OR5V1: variants seen among roughly 807,000 people sequenced by gnomAD.
OR5V1 encodes the protein olfactory receptor 5V1.
For missense variants in OR5V1, 365 were observed against 371.5 expected (o/e 0.98, Z 0.14); for synonymous variants, 134 against 143.2 (o/e 0.94, Z 0.46).
chr6:29,368,000 C>T (rs886929507), intron 1 of OR5V1, among the ~76,000 whole-genome samples: 3 of 152,064 alleles, frequency 2.0e-5, no homozygotes, highest in Non-Finnish European at 2.9e-5. Context: ...AGAAAATTCA[C>T]GAGAATGTTT....
At chr6:29,360,293 T>C (rs747143005) in intron 1 of OR5V1, among the ~76,000 whole-genome samples, 31 of 152,190 alleles carry the variant, frequency 2.0e-4, no homozygotes, top group Non-Finnish European at 4.6e-4. Flanking sequence ...ACTCCCATCT[T>C]CCTGGGACAG....
chr6:29,355,302 T>TTTGA lies in OR5V1; in HGVS notation c.890_893dup (p.Lys298AsnfsTer21). On this transcript the variant is annotated frameshift_variant, in exon 2 of 2. Transcript: ENST00000641768. LOFTEE classifies it low-confidence loss of function (END_TRUNC). Reference sequence around the variant, plus strand: ...TGCTCCCTATAGTTTTGACAGCTTCTTTGATGTCCTTATTCCTCAATGTGT... The same window carrying TTTGA: ...TGCTCCCTATAGTTTTGACAGCTTCTTTGATTGATGTCCTTATTCCTCAATGTGT... 1 of 1,613,526 alleles carries TTTGA rather than the reference T, an allele frequency of 6.2e-7. No individual in the cohort carries two copies. The highest frequency in any genetic ancestry group is 1.3e-5 in the African/African-American group (1 of 75,032).
At chr6:29,367,649 G>C (rs1212768344) in intron 1 of OR5V1, among the ~76,000 whole-genome samples, 1 of 152,120 alleles carries the variant, frequency 6.6e-6, no homozygotes, top group East Asian at 1.9e-4. Flanking sequence ...AGATCAAATA[G>C]TTAACAAGTA....
chr6:29,357,978 T>C (rs1271197286), intron 1 of OR5V1, among the ~76,000 whole-genome samples: 7 of 152,192 alleles, frequency 4.6e-5, no homozygotes, highest in Non-Finnish European at 1.0e-4. Context: ...CCCTCACCTA[T>C]AGACAAATAT....
intron 1 of OR5V1, among the ~76,000 whole-genome samples, chr6:29,360,582 A>G (rs762897589): frequency 3.5e-4 from 53 of 152,322 alleles, no homozygotes; most frequent in African/African-American, 1.2e-3. Flanking sequence ...AGGAAGAAGC[A>G]GGCAGTAATA....
chr6:29,355,263 T>C lies in OR5V1; in HGVS notation c.933A>G (p.Pro311=). The C allele has an allele frequency of 2.5e-6, 4 of 1,604,398 alleles. No homozygotes were observed. The highest frequency in any genetic ancestry group is 3.4e-6 in the Non-Finnish European group (4 of 1,177,088). ...TGAGTTTACTATCCAAAGAGGAAAT[T>C]GGTGGCTGCCACTTGCTCCCTATAG... ...VKTIGSKWQP[P]ISSLDSKLTY The change falls in exon 2 of 2, where the codon CCA becomes CCG. Residue 311 remains proline, a synonymous_variant. Coordinates refer to ENST00000641768, the MANE Select transcript of OR5V1 (RefSeq NM_030876.6).
rs911631158 is a variant in OR5V1 at position 29,355,022 on chromosome 6, A to G, written c.*208T>C. ...TGAATGCAAAATTCAGGAATGGAAA[A>G]ATAAATAAGAAGATAATATCTAAAG... On this transcript the variant is annotated 3_prime_UTR_variant, in exon 2 of 2. Transcript: ENST00000641768. 18 of 419,162 alleles carry G rather than the reference A, an allele frequency of 4.3e-5. No individual in the cohort carries two copies. In the South Asian group the frequency reaches 1.0e-3, roughly 24 times the overall value. 26.0% of individuals were successfully genotyped at this position (419,162 alleles called of 1,614,324 possible).
chr6:29,359,611 C>T (rs565460087), intron 1 of OR5V1, among the ~76,000 whole-genome samples: 1 of 152,252 alleles, frequency 6.6e-6, no homozygotes, highest in East Asian at 1.9e-4. Flanking sequence ...ACTGAGGTAC[C>T]AGTTAGGTAA....
intron 1 of OR5V1, among the ~76,000 whole-genome samples, chr6:29,367,599 T>TA (rs1778914381): frequency 6.6e-6 from 1 of 152,210 alleles, no homozygotes; most frequent in Non-Finnish European, 1.5e-5. Context: ...TTATATTAGT[T>TA]AGAGTAGAGG....
intron 1 of OR5V1, among the ~76,000 whole-genome samples, chr6:29,358,832 A>G (rs1562928103): frequency 6.6e-6 from 1 of 152,226 alleles, no homozygotes; most frequent in Non-Finnish European, 1.5e-5. Flanking sequence ...CAAAGGGTAC[A>G]AAGTTTCAGT....
In OR5V1 at chr6:29,355,380, C is replaced by A. The variant is rs766576990; in HGVS notation, c.816G>T (p.Arg272Ser). Residue 272 changes from arginine (R) to serine (S), a missense_variant, in exon 2 of 2, where the codon AGG (arginine) becomes AGT (serine). Coordinates refer to ENST00000641768, the MANE Select transcript of OR5V1 (RefSeq NM_030876.6). ...CAACACTGTACAACACTGAAACCAA[C>A]CTATCTTTCTTTAATGAGTAAGTTG... ...PISTYSLKKD[R>S]LVSVLYSVVT... is the part of the protein sequence containing the mutation. 2 of 1,613,962 alleles carry A rather than the reference C, an allele frequency of 1.2e-6. No individual in the cohort carries two copies. The highest frequency in any genetic ancestry group is 1.7e-6 in the Non-Finnish European group (2 of 1,179,890).
At chr6:29,360,497 C>A (rs1393155615) in intron 1 of OR5V1, among the ~76,000 whole-genome samples, 1 of 152,196 alleles carries the variant, frequency 6.6e-6, no homozygotes, top group Admixed American at 6.5e-5. Context: ...AGAGACTCCC[C>A]AACAGGGGTT....
rs767525266 is a variant in OR5V1 at position 29,355,921 on chromosome 6, A to G, written c.275T>C (p.Ile92Thr). Residue 92 changes from isoleucine (I) to threonine (T), a missense_variant, in exon 2 of 2, where the codon ATT (isoleucine) becomes ACT (threonine). Physicochemically the swap from Ile to Thr is moderately conservative, Grantham distance 89. Coordinates refer to ENST00000641768, the MANE Select transcript of OR5V1 (RefSeq NM_030876.6). ...TTGAACCACACACCCCACATAAGAA[A>G]TGCTTTTTTTCTTTGAGAGGAGGTG... ...MVHLLSKKKS[I>T]SYVGCVVQLF... 3 of 1,614,092 alleles carry G rather than the reference A, an allele frequency of 1.9e-6. No individual in the cohort carries two copies. Among genetic ancestry groups the G allele is most frequent in the Non-Finnish European group, 2.5e-6 (3 of 1,179,962 alleles).
At chr6:29,364,515 T>C (rs1447714937) in intron 1 of OR5V1, among the ~76,000 whole-genome samples, 1 of 86,894 alleles carries the variant, frequency 1.2e-5, no homozygotes, top group African/African-American at 3.3e-5. Context: ...AGAACAAAGC[T>C]GGGCCGGGCG....
chr6:29,364,792 C>T (rs376988372), intron 1 of OR5V1, among the ~76,000 whole-genome samples: 1,253 of 4,434 alleles, frequency 0.28, 190 homozygotes, highest in Middle Eastern at 0.83. Context: ...AGCGAGACTC[C>T]GTCTCAAAAA....
At chr6:29,366,171 G>A (rs537330134) in intron 1 of OR5V1, among the ~76,000 whole-genome samples, 51 of 152,228 alleles carry the variant, frequency 3.4e-4, no homozygotes, top group Admixed American at 5.9e-4. Context: ...GTGGCAAGGG[G>A]AGGGAGAGCA....
intron 1 of OR5V1, among the ~76,000 whole-genome samples, chr6:29,365,319 G>A (rs571944498): frequency 1.6e-4 from 24 of 148,038 alleles, no homozygotes; most frequent in African/African-American, 4.8e-4. Flanking sequence ...AAACTAAAGA[G>A]CTTCTGCATA....
intron 1 of OR5V1, among the ~76,000 whole-genome samples, chr6:29,358,054 C>T (rs1265024903): frequency 2.0e-5 from 3 of 152,018 alleles, no homozygotes; most frequent in African/African-American, 7.2e-5. Flanking sequence ...GTCTTCTTTC[C>T]TCGTGAACTA....
intron 1 of OR5V1, among the ~76,000 whole-genome samples, chr6:29,358,339 A>T (rs1316483444): frequency 1.3e-5 from 2 of 152,188 alleles, no homozygotes; most frequent in Non-Finnish European, 2.9e-5. Context: ...ATGTGGAAAA[A>T]AGGGAACTGG....
Sources: allele counts gnomAD v4.1 joint callset (sites outside exome capture counted in the v4.1 genomes callset), GRCh38; gene constraint gnomAD v4.1.1; transcripts MANE v1.5; gene names NCBI Gene and HGNC (gene_info 2026-07-23, HGNC 2026-07-21).